The following CNTNAP5 variants were observed in gnomAD, a reference collection of about 807,000 sequenced individuals.
CNTNAP5 encodes the protein contactin associated protein family member 5, also known as contactin-associated protein-like 5.
Under a neutral mutation model 150.2 loss-of-function variants are expected in CNTNAP5, and 72 were observed. The ratio of observed to expected loss-of-function variants is 0.48; its 90% CI spans 0.40 to 0.58. The LOEUF is 0.58. CNTNAP5 is among the 20% of genes least tolerant of loss of function. The pLI is 0.00. For missense variants in CNTNAP5, 1,636 were observed against 1,626.2 expected (o/e 1.01, Z -0.10); for synonymous variants, 672 against 619.8 (o/e 1.08, Z -1.25).
intron 21 of CNTNAP5, among the ~76,000 whole-genome samples, chr2:124,886,036 A>T (rs908449748): frequency 6.6e-6 from 1 of 152,082 alleles, no homozygotes; most frequent in Non-Finnish European, 1.5e-5. Flanking sequence ...GGGCTAGCCC[A>T]GTGGAATCAA....
chr2:124,350,344 G>C (rs1173164131), intron 3 of CNTNAP5, among the ~76,000 whole-genome samples: 1 of 152,114 alleles, frequency 6.6e-6, no homozygotes, highest in African/African-American at 2.4e-5. Flanking sequence ...TCTCCTTCCA[G>C]CTATGACTGC....
At chr2:124,419,140 CAAAAAAAAAAA>C (rs778863758) in intron 4 of CNTNAP5, among the ~76,000 whole-genome samples, 1 of 28,908 alleles carries the variant, frequency 3.5e-5, no homozygotes, top group Non-Finnish European at 6.6e-5. Flanking sequence ...GACTCCTTCT[CAAAAAAAAAAA>C]AAAAAAAAAA....
chr2:124,026,390 A>C (rs1680889010), intron 1 of CNTNAP5, among the ~76,000 whole-genome samples: 1 of 152,196 alleles, frequency 6.6e-6, no homozygotes, highest in Non-Finnish European at 1.5e-5. Context: ...TGTGAACACT[A>C]ATGAGTATGC....
intron 13 of CNTNAP5, among the ~76,000 whole-genome samples, chr2:124,737,015 G>T (rs1409800034): frequency 6.6e-6 from 1 of 152,194 alleles, no homozygotes; most frequent in Admixed American, 6.5e-5. Flanking sequence ...ACAATAGGCT[G>T]GGAGCAGTGG....
chr2:124,271,756 C>A (rs1198235117), intron 3 of CNTNAP5, among the ~76,000 whole-genome samples: 1 of 151,008 alleles, frequency 6.6e-6, no homozygotes, highest in Non-Finnish European at 1.5e-5. Context: ...GCTCTGTTGC[C>A]CAGGCTGTAG....
chr2:124,635,506 T>C (rs773929098), intron 12 of CNTNAP5, among the ~76,000 whole-genome samples: 1 of 152,118 alleles, frequency 6.6e-6, no homozygotes, highest in African/African-American at 2.4e-5. Flanking sequence ...CTCAGCAGGA[T>C]CATGAATGCA....
chr2:124,134,323 G>A (rs2104606835), intron 1 of CNTNAP5, among the ~76,000 whole-genome samples: 1 of 150,786 alleles, frequency 6.6e-6, no homozygotes, highest in South Asian at 2.1e-4. Context: ...TGACACAATT[G>A]AGAAATACTC....
At chr2:124,621,259 A>T (rs1173767155) in intron 12 of CNTNAP5, among the ~76,000 whole-genome samples, 1 of 152,230 alleles carries the variant, frequency 6.6e-6, no homozygotes, top group African/African-American at 2.4e-5. Flanking sequence ...ACTAGCAAAA[A>T]CACATTTATT....
chr2:124,290,173 A>G (rs767705306), intron 3 of CNTNAP5, among the ~76,000 whole-genome samples: 3 of 152,108 alleles, frequency 2.0e-5, no homozygotes, highest in South Asian at 2.1e-4. Context: ...ATATCTGAAG[A>G]TGAACTATTC....
At chr2:124,693,548 A>G (rs1355493828) in intron 13 of CNTNAP5, among the ~76,000 whole-genome samples, 1 of 152,104 alleles carries the variant, frequency 6.6e-6, no homozygotes, top group East Asian at 1.9e-4. Flanking sequence ...TAGAATGGTA[A>G]CCATTGATAT....
intron 3 of CNTNAP5, among the ~76,000 whole-genome samples, chr2:124,390,460 G>C (rs949400850): frequency 6.6e-6 from 1 of 152,258 alleles, no homozygotes; most frequent in African/African-American, 2.4e-5. Flanking sequence ...TCACTGGCTA[G>C]CCCCAATCTG....
At chr2:124,277,195 G>C (rs1687903970) in intron 3 of CNTNAP5, among the ~76,000 whole-genome samples, 1 of 152,116 alleles carries the variant, frequency 6.6e-6, no homozygotes, top group African/African-American at 2.4e-5. Context: ...CTTTGACCTG[G>C]GGTTTGTTTC....
At position 124,869,691 on chromosome 2, in the gene CNTNAP5, G is replaced by T; in HGVS notation, c.3365G>T (p.Arg1122Leu). ...TTCCTGCAGATGGACCAGCAACTTC[G>T]ACTCAGTTATAACTTCTCTCCGGAA... ...ELTIQMDQQL[R>L]LSYNFSPEVE... The change falls in exon 21 of 24, where the codon CGA (arginine) becomes CTA (leucine). Residue 1122 changes from arginine to leucine, a missense_variant. By Grantham distance (102) the Arg-to-Leu change is moderately radical (BLOSUM62 -2). Coordinates refer to ENST00000682447, the MANE Select transcript of CNTNAP5 (RefSeq NM_001367498.1). 6.2e-7 allele frequency: 1 copy of T among 1,611,606 alleles called. No individual in the cohort carries two copies. The highest frequency in any genetic ancestry group is 1.1e-5 in the South Asian group (1 of 90,884).
At chr2:124,910,894 C>T (rs999787603) in intron 22 of CNTNAP5, among the ~76,000 whole-genome samples, 1 of 151,842 alleles carries the variant, frequency 6.6e-6, no homozygotes, top group Non-Finnish European at 1.5e-5. Flanking sequence ...AGAGGTCTTC[C>T]TCAATGTCAC....
chr2:124,638,615 C>G (rs1678022752), intron 12 of CNTNAP5, among the ~76,000 whole-genome samples: 1 of 152,148 alleles, frequency 6.6e-6, no homozygotes, highest in Admixed American at 6.5e-5. Context: ...CAAATACAGA[C>G]AAATATGCAC....
At chr2:124,548,038 G>A (rs1042640822) in intron 10 of CNTNAP5, among the ~76,000 whole-genome samples, 18 of 152,264 alleles carry the variant, frequency 1.2e-4, no homozygotes, top group African/African-American at 4.3e-4. Context: ...GTTTTCATTA[G>A]TATAAGTCTT....
At chr2:124,837,898 G>A (rs926752059) in intron 19 of CNTNAP5, among the ~76,000 whole-genome samples, 5 of 152,098 alleles carry the variant, frequency 3.3e-5, no homozygotes, top group Admixed American at 2.0e-4. Context: ...ACTGTTTTCA[G>A]TGTTCAAAAC....
At chr2:124,355,078 TTATAA>T (rs1421184185) in intron 3 of CNTNAP5, among the ~76,000 whole-genome samples, 8 of 150,684 alleles carry the variant, frequency 5.3e-5, no homozygotes, top group Admixed American at 1.3e-4. Context: ...AATACTCTAT[TTATAA>T]TATAATATAT....
intron 12 of CNTNAP5, among the ~76,000 whole-genome samples, chr2:124,621,573 T>C (rs1326400347): frequency 6.6e-6 from 1 of 152,220 alleles, no homozygotes; most frequent in African/African-American, 2.4e-5. Context: ...CCAATATTTC[T>C]GCACATAATT....
Sources: gnomAD v4.1 joint callset for allele counts (sites outside exome capture counted in the v4.1 genomes callset) on GRCh38, gnomAD v4.1.1 for gene constraint, MANE v1.5 for transcripts, NCBI Gene and HGNC (gene_info 2026-07-23, HGNC 2026-07-21) for gene names.